FRMPD4: variants seen among roughly 807,000 people sequenced by gnomAD.
FRMPD4 encodes the protein FERM and PDZ domain containing 4, also known as FERM and PDZ domain-containing protein 4.
In FRMPD4, 22 loss-of-function variants were observed where a neutral mutation model predicts 94.1. The ratio of observed to expected loss-of-function variants is 0.23; its 90% confidence interval spans 0.17 to 0.33. The LOEUF is 0.33. FRMPD4 is among the 10% of genes least tolerant of loss of function. The probability of loss-of-function intolerance (pLI) is 1.00; values close to 1 mark genes in which losing one functional copy is unlikely to be tolerated. For missense variants in FRMPD4, 1,111 were observed against 1,339.9 expected, an observed-to-expected ratio of 0.83 and a Z score of 2.67; for synonymous variants, 631 against 548.6, an observed-to-expected ratio of 1.15 and a Z score of -2.10.
chrX:12,669,019 T>C (rs2059811842), intron 4 of FRMPD4, among the ~76,000 whole-genome samples: 1 of 112,263 alleles, frequency 8.9e-6, no homozygotes, highest in Non-Finnish European at 1.9e-5. Flanking sequence ...CTTAGATTTG[T>C]GTATTTCCTT....
chrX:12,480,952 A>G (rs150396223), intron 1 of FRMPD4, among the ~76,000 whole-genome samples: 7 of 111,791 alleles, frequency 6.3e-5, no homozygotes, highest in African/African-American at 2.0e-4. Context: ...TCTTTTTTCT[A>G]CCAGAAGCAT....
chrX:12,272,174 G>A (rs1326638341), intron 1 of FRMPD4, among the ~76,000 whole-genome samples: 1 of 112,026 alleles, frequency 8.9e-6, no homozygotes, highest in Non-Finnish European at 1.9e-5. Context: ...ACAGAGCCTG[G>A]CACATAATAA....
intron 3 of FRMPD4, among the ~76,000 whole-genome samples, chrX:12,099,117 G>A (rs932371233): frequency 2.9e-5 from 3 of 104,717 alleles, no homozygotes; most frequent in Non-Finnish European, 5.9e-5. Flanking sequence ...TATACCTAAT[G>A]CTAGATGACG....
chrX:12,073,512 G>C (rs1279407196), intron 3 of FRMPD4, among the ~76,000 whole-genome samples: 1 of 111,315 alleles, frequency 9.0e-6, no homozygotes, highest in Non-Finnish European at 1.9e-5. Context: ...TACCTCATAA[G>C]CCATACAAAA....
intron 2 of FRMPD4, among the ~76,000 whole-genome samples, chrX:12,598,723 C>A (rs1188586993): frequency 8.9e-6 from 1 of 112,132 alleles, no homozygotes; most frequent in Non-Finnish European, 1.9e-5. Context: ...ATAACAATTT[C>A]AATGCAGAAA....
At chrX:12,414,275 A>G (rs2148071781) in intron 1 of FRMPD4, among the ~76,000 whole-genome samples, 1 of 112,151 alleles carries the variant, frequency 8.9e-6, no homozygotes, top group East Asian at 2.8e-4. Context: ...TGATCTGCCC[A>G]TTTTCAATTT....
chrX:12,404,621 A>G (rs1444060185), intron 1 of FRMPD4, among the ~76,000 whole-genome samples: 3 of 112,245 alleles, frequency 2.7e-5, no homozygotes, highest in Non-Finnish European at 5.6e-5. Flanking sequence ...TCACATCTGG[A>G]TGAACATAAT....
At chrX:12,451,528 T>G (rs755487101) in intron 1 of FRMPD4, among the ~76,000 whole-genome samples, 1 of 111,953 alleles carries the variant, frequency 8.9e-6, no homozygotes, top group South Asian at 3.7e-4. Flanking sequence ...CTGATACCTA[T>G]TTCTGTGTAT....
chrX:12,256,871 T>C (rs2054121518), intron 1 of FRMPD4, among the ~76,000 whole-genome samples: 1 of 112,109 alleles, frequency 8.9e-6, no homozygotes, highest in Non-Finnish European at 1.9e-5. Context: ...GCATTGTACA[T>C]TATTCCACAA....
intron 2 of FRMPD4, among the ~76,000 whole-genome samples, chrX:12,516,517 A>G (rs2058098545): frequency 9.0e-6 from 1 of 111,390 alleles, no homozygotes; most frequent in Non-Finnish European, 1.9e-5. Flanking sequence ...ATGTTGAATA[A>G]TGCCCCCCAA....
chrX:12,314,913 G>A (rs1413885489), intron 1 of FRMPD4, among the ~76,000 whole-genome samples: 3 of 111,929 alleles, frequency 2.7e-5, no homozygotes, highest in African/African-American at 9.8e-5. Context: ...TTTCTCAAAG[G>A]CTCATGTTTG....
intron 1 of FRMPD4, among the ~76,000 whole-genome samples, chrX:12,476,615 C>G (rs1280018297): frequency 1.8e-5 from 2 of 111,526 alleles, no homozygotes; most frequent in Non-Finnish European, 3.8e-5. Flanking sequence ...AACAAATTTA[C>G]AAGAAAAAAA....
At chrX:12,231,456 C>G (rs933972838) in intron 1 of FRMPD4, among the ~76,000 whole-genome samples, 1 of 111,003 alleles carries the variant, frequency 9.0e-6, no homozygotes, top group Non-Finnish European at 1.9e-5. Flanking sequence ...TTTATTCCAA[C>G]AAAGCATTGA....
intron 1 of FRMPD4, among the ~76,000 whole-genome samples, chrX:12,435,059 T>G (rs1266792588): frequency 9.0e-6 from 1 of 111,683 alleles, no homozygotes; most frequent in Non-Finnish European, 1.9e-5. Context: ...ATTCAGGCCT[T>G]TTATTTCCGT....
chrX:11,835,687 C>G (rs2053497759), intron 1 of FRMPD4, among the ~76,000 whole-genome samples: 1 of 111,834 alleles, frequency 8.9e-6, no homozygotes, highest in Non-Finnish European at 1.9e-5. Context: ...TTCATTTCCT[C>G]TCTTCCCTTT....
chrX:12,109,583 C>G (rs1361986601), intron 3 of FRMPD4, among the ~76,000 whole-genome samples: 3 of 111,548 alleles, frequency 2.7e-5, no homozygotes, highest in Middle Eastern at 4.3e-3. Context: ...CAGAGCAGAA[C>G]TGAAGGAAAT....
intron 1 of FRMPD4, among the ~76,000 whole-genome samples, chrX:12,164,249 A>C (rs1480490338): frequency 3.7e-5 from 4 of 109,534 alleles, no homozygotes; most frequent in African/African-American, 1.3e-4. Context: ...TCCTGTGTCC[A>C]TGTGTTCTCA....
intron 2 of FRMPD4, among the ~76,000 whole-genome samples, chrX:12,563,273 C>CACAT (rs759425109): frequency 0.01 from 1,154 of 110,480 alleles, 23 homozygotes; most frequent in African/African-American, 0.036. Flanking sequence ...CACACACACA[C>CACAT]ATACCAGACC....
At chrX:11,947,426 G>A (rs983826126) in intron 3 of FRMPD4, among the ~76,000 whole-genome samples, 13 of 112,186 alleles carry the variant, frequency 1.2e-4, no homozygotes, top group Admixed American at 1.0e-3. Flanking sequence ...ACTGTCTCAT[G>A]TATCTTGGCA....
Sources: gnomAD v4.1 joint callset for allele counts (sites outside exome capture counted in the v4.1 genomes callset) on GRCh38, gnomAD v4.1.1 for gene constraint, MANE v1.5 for transcripts, NCBI Gene and HGNC (gene_info 2026-07-23, HGNC 2026-07-21) for gene names.